The following PHKB variants were observed in gnomAD, a reference collection of about 807,000 sequenced individuals.
The protein encoded by PHKB is phosphorylase kinase regulatory subunit beta, also known as phosphorylase b kinase regulatory subunit beta.
A neutral mutation model predicts 152.1 loss-of-function variants in PHKB; 122 were observed. The observed-to-expected ratio is 0.80, with a 90% CI of 0.69 to 0.93. The LOEUF is 0.93. Among genes scored for constraint, PHKB ranks in the 40% least tolerant of loss-of-function variants. The probability of loss-of-function intolerance (pLI) is 0.00; values close to 1 mark genes in which losing one functional copy is unlikely to be tolerated. For missense variants in PHKB, 1,304 were observed against 1,328.4 expected (o/e 0.98, Z 0.29); for synonymous variants, 436 against 464.9 (o/e 0.94, Z 0.80).
intron 13 of PHKB, among the ~76,000 whole-genome samples, chr16:47,607,997 A>G (rs1972357663): frequency 6.6e-6 from 1 of 151,836 alleles, no homozygotes. Context: ...AGAAAAGCCT[A>G]TATAGACACT....
chr16:47,648,301 A>G (rs1255027427), intron 16 of PHKB, among the ~76,000 whole-genome samples: 1 of 152,190 alleles, frequency 6.6e-6, no homozygotes, highest in Non-Finnish European at 1.5e-5. Context: ...GAACAATATC[A>G]AATTTAAGAA....
At chr16:47,687,482 T>G (rs1288270792) in intron 26 of PHKB, among the ~76,000 whole-genome samples, 1 of 152,232 alleles carries the variant, frequency 6.6e-6, no homozygotes, top group Non-Finnish European at 1.5e-5. Flanking sequence ...TCTTTTTGAC[T>G]GACAGGAGAA....
chr16:47,547,664 T>A, intron 7 of PHKB, 116 bp downstream of exon 7: 2 of 694,258 alleles, frequency 2.9e-6, no homozygotes, highest in Non-Finnish European at 5.1e-6. Flanking sequence ...TGTAGCAATT[T>A]TTTTCTACCT....
chr16:47,492,502 G>C (rs1970166615), intron 1 of PHKB, among the ~76,000 whole-genome samples: 1 of 152,236 alleles, frequency 6.6e-6, no homozygotes, highest in Admixed American at 6.5e-5. Flanking sequence ...CTCCATCAGT[G>C]AGAAAGACTT....
chr16:47,516,053 A>C (rs912512065), intron 6 of PHKB, among the ~76,000 whole-genome samples: 2 of 151,926 alleles, frequency 1.3e-5, no homozygotes, highest in East Asian at 3.9e-4. Context: ...TCAGCCTCCA[A>C]AGTATCTGGG....
rs927152071 is a variant in PHKB, at chr16:47,600,355, T to A, written c.1363+3824T>A. Among the ~76,000 whole-genome samples the A allele has an allele frequency of 8.5e-5, 13 of 152,178 alleles. 1 individual carries two copies. Among genetic ancestry groups the A allele is most frequent in the Non-Finnish European group, 1.9e-4 (13 of 68,032 alleles). On this transcript the variant is annotated intron_variant, in intron 13 of 30. Transcript: ENST00000323584. ...TTTTCTATATAGCTGGTAAATATAT[T>A]ATAAACATGTACACTTTAAACCCCG... is the stretch of plus-strand genomic sequence containing the variant.
intron 20 of PHKB, among the ~76,000 whole-genome samples, chr16:47,653,494 TC>T (rs1973276809): frequency 6.6e-6 from 1 of 152,200 alleles, no homozygotes; most frequent in Admixed American, 6.5e-5. Flanking sequence ...TGAGGCTCTT[TC>T]CTGTTCTCTT....
intron 13 of PHKB, among the ~76,000 whole-genome samples, chr16:47,610,222 G>A (rs557589109): frequency 2.1e-5 from 3 of 146,160 alleles, no homozygotes; most frequent in African/African-American, 7.7e-5. Context: ...TGTTGGCCAG[G>A]CTGGTCTCAA....
At chr16:47,552,192 T>TG (rs1971283836) in intron 7 of PHKB, among the ~76,000 whole-genome samples, 1 of 152,224 alleles carries the variant, frequency 6.6e-6, no homozygotes, top group Non-Finnish European at 1.5e-5. Flanking sequence ...GTTTTTTAAC[T>TG]GGGGCATTTA....
At chr16:47,535,562 G>A (rs1970937631) in intron 6 of PHKB, among the ~76,000 whole-genome samples, 1 of 152,136 alleles carries the variant, frequency 6.6e-6, no homozygotes, top group South Asian at 2.1e-4. Context: ...TGGAGAGAGA[G>A]TTAAATAATT....
chr16:47,484,498 A>G (rs1296081657), intron 1 of PHKB, among the ~76,000 whole-genome samples: 1 of 152,186 alleles, frequency 6.6e-6, no homozygotes, highest in Non-Finnish European at 1.5e-5. Context: ...TGCATATACA[A>G]ATAATTTTGG....
chr16:47,469,755 A>G (rs1211083296), intron 1 of PHKB, among the ~76,000 whole-genome samples: 3 of 152,166 alleles, frequency 2.0e-5, no homozygotes, highest in Non-Finnish European at 4.4e-5. Flanking sequence ...TAAACCTAAA[A>G]CAAAATTTGA....
chr16:47,692,218 G>C (rs1974073327), intron 27 of PHKB, among the ~76,000 whole-genome samples: 1 of 152,156 alleles, frequency 6.6e-6, no homozygotes, highest in South Asian at 2.1e-4. Flanking sequence ...ACTGTATCCT[G>C]CATAGCTATT....
chr16:47,679,431 C>G (rs1447756860), intron 26 of PHKB, among the ~76,000 whole-genome samples: 2 of 152,098 alleles, frequency 1.3e-5, no homozygotes, highest in Non-Finnish European at 2.9e-5. Flanking sequence ...TTGTTTGTGT[C>G]CTCTTTTATT....
rs768985499 is a variant in PHKB, at chr16:47,664,916, C to G, written c.2368C>G (p.Gln790Glu). Residue 790 changes from glutamine (Q) to glutamate (E), a missense_variant, in exon 25 of 31, where the codon CAG (glutamine) becomes GAG (glutamate). Gln to Glu is a conservative substitution (Grantham distance 29). Coordinates refer to ENST00000323584, the MANE Select transcript of PHKB (RefSeq NM_000293.3). ...GGTGCGCTACGGGGCTGCATTTACC[C>G]AGAAATTTTCTTCCTCTATAGCCCC... ...LAVRYGAAFTQKFSSSIAPHI... is the reference protein window; with the variant it reads ...LAVRYGAAFTEKFSSSIAPHI... 1.2e-6 allele frequency: 2 copies of G among 1,613,846 alleles called. No homozygotes were observed. Among genetic ancestry groups the G allele is most frequent in the Admixed American group, 3.3e-5 (2 of 60,000 alleles).
At chr16:47,501,909 G>T (rs988724539) in intron 3 of PHKB, among the ~76,000 whole-genome samples, 3 of 152,148 alleles carry the variant, frequency 2.0e-5, no homozygotes, top group African/African-American at 7.2e-5. Flanking sequence ...AAACACTTGT[G>T]TCTGACCTCA....
At chr16:47,621,959 T>G (rs1972625396) in intron 14 of PHKB, among the ~76,000 whole-genome samples, 1 of 152,182 alleles carries the variant, frequency 6.6e-6, no homozygotes, top group Non-Finnish European at 1.5e-5. Context: ...AATAACATCA[T>G]TCTAATTAAC....
rs779059387 is a variant in PHKB, at chr16:47,461,357, G to A, written c.7G>A (p.Gly3Arg). The A allele has an allele frequency of 8.7e-6, 14 of 1,610,238 alleles. No individual in the cohort carries two copies. Among genetic ancestry groups the A allele is most frequent in the Non-Finnish European group, 1.1e-5 (13 of 1,179,008 alleles). The change falls in exon 1 of 31, where the codon GGG (glycine) becomes AGG (arginine). Residue 3 changes from glycine to arginine, a missense_variant. Physicochemically the swap from Gly to Arg is moderately radical, Grantham distance 125. Coordinates refer to ENST00000323584, the MANE Select transcript of PHKB (RefSeq NM_000293.3). ...AGGCGGCGACCGGAGCGCGATGGCG[G>A]GGGCGGCGGGACTCACGGCAGAAGT... MA[G>R]AAGLTAEVSW...
chr16:47,663,626 G>A (rs1597160564), intron 23 of PHKB, 51 bp from the exon 24 acceptor site: 5 of 1,429,882 alleles, frequency 3.5e-6, no homozygotes, highest in Non-Finnish European at 4.9e-6. Flanking sequence ...TAAATGTTGT[G>A]CATTTAATTA....
Sources: allele counts gnomAD v4.1 joint callset (sites outside exome capture counted in the v4.1 genomes callset), GRCh38; gene constraint gnomAD v4.1.1; transcripts MANE v1.5; gene names NCBI Gene and HGNC (gene_info 2026-07-23, HGNC 2026-07-21).